Variants in FBN1 observed in about 807,000 individuals in gnomAD.
FBN1 encodes fibrillin 1, also known as fibrillin-1.
FBN1 carries 29 observed loss-of-function variants against 365.1 expected under a neutral mutation model. The observed-to-expected ratio is 0.08, with a 90% CI of 0.06 to 0.11. The LOEUF is 0.11. Ranked by LOEUF, FBN1 falls within the 10% of genes least tolerant of loss-of-function variation. The pLI is 1.00. For missense variants in FBN1, 2,476 were observed against 3,703.2 expected, an observed-to-expected ratio of 0.67 and a Z score of 8.60; for synonymous variants, 1,210 against 1,270.5, an observed-to-expected ratio of 0.95 and a Z score of 1.01.
intron 2 of FBN1, among the ~76,000 whole-genome samples, chr15:48,627,807 C>G (rs1009117627): frequency 5.3e-5 from 8 of 152,164 alleles, no homozygotes; most frequent in African/African-American, 1.9e-4. Flanking sequence ...CCAGCACTGT[C>G]CTCTCAGCAC....
chr15:48,564,478 CT>C (rs756543323), intron 6 of FBN1, among the ~76,000 whole-genome samples: 3 of 149,422 alleles, frequency 2.0e-5, no homozygotes, highest in Non-Finnish European at 2.9e-5. Flanking sequence ...CTCAATGTCT[CT>C]GTCTAAACTG....
chr15:48,492,420 T>C (rs1041066591), intron 24 of FBN1, 41 bp downstream of exon 24: 6 of 1,592,422 alleles, frequency 3.8e-6, no homozygotes, highest in Non-Finnish European at 5.2e-6. Context: ...TAATAATCGT[T>C]AATAAATTAT....
Position 48,470,621 on chromosome 15 carries a change from G to C in FBN1, c.4459+13C>G. ...CACCAGGGAGCTGATTTTGATGCCA[G>C]TGGAGGTCTTACCTGTGCAGTTCCC... On this transcript the variant is annotated intron_variant, in intron 36 of 65. Transcript: ENST00000316623. 2 of 1,613,802 alleles carry C rather than the reference G, an allele frequency of 1.2e-6. No homozygotes were observed. The highest frequency in any genetic ancestry group is 1.7e-6 in the Non-Finnish European group (2 of 1,180,010).
At chr15:48,414,403 T>C (rs1265560934) in intron 64 of FBN1, among the ~76,000 whole-genome samples, 2 of 152,182 alleles carry the variant, frequency 1.3e-5, no homozygotes, top group Non-Finnish European at 2.9e-5. Flanking sequence ...GGGGTGTGTG[T>C]GTACACGCAT....
Position 48,410,019 on chromosome 15 carries a change from C to T in FBN1, c.*971G>A, listed in dbSNP as rs1360438730. Reference sequence around the variant, plus strand: ...TTAAATCCAGGAGACTTTATTTAGCCTCCGGAATGGCCCCTCCAACCCCAA... The same window carrying T: ...TTAAATCCAGGAGACTTTATTTAGCTTCCGGAATGGCCCCTCCAACCCCAA... On this transcript the variant is annotated 3_prime_UTR_variant, in exon 66 of 66. Transcript: ENST00000316623. The T allele has an allele frequency of 6.6e-6, 1 of 152,530 alleles. No individual in the cohort carries two copies. Among genetic ancestry groups the T allele is most frequent in the Non-Finnish European group, 1.5e-5 (1 of 68,020 alleles). 9.4% of individuals were successfully genotyped at this position (152,530 alleles called of 1,614,324 possible).
intron 2 of FBN1, among the ~76,000 whole-genome samples, chr15:48,632,925 G>A (rs1287224633): frequency 6.6e-6 from 1 of 152,188 alleles, no homozygotes; most frequent in South Asian, 2.1e-4. Context: ...CTTGAGGTCA[G>A]TGGCCTCAAC....
In FBN1 at chr15:48,410,931, T is replaced by C. The variant is rs2042855425; in HGVS notation, c.*59A>G. 1 of 1,473,250 alleles carries C rather than the reference T, an allele frequency of 6.8e-7. No homozygotes were observed. The highest frequency in any genetic ancestry group is 1.4e-5 in the African/African-American group (1 of 71,496). The allele number at this position is 1,473,250 out of a possible 1,614,324, so 91.3% of individuals were successfully genotyped here. A position where few individuals can be genotyped will look rare whatever the true frequency, so the allele number is the denominator to read the frequency against. The stretch of plus-strand genomic sequence containing the variant: ...TATGATGATTCTGATTGGGGGAAAA[T>C]ATAGTTCTACCTATCTATATTTGTT... On this transcript the variant is annotated 3_prime_UTR_variant, in exon 66 of 66. Transcript: ENST00000316623.
intron 2 of FBN1, 95 bp downstream of exon 2, chr15:48,644,511 C>T: frequency 1.3e-6 from 2 of 1,580,918 alleles, no homozygotes; most frequent in East Asian, 2.2e-5. Context: ...GGAGGTCTTG[C>T]CAAGGAGTCT....
intron 6 of FBN1, among the ~76,000 whole-genome samples, chr15:48,581,674 A>G (rs770761278): frequency 1.3e-5 from 2 of 152,244 alleles, no homozygotes; most frequent in Non-Finnish European, 2.9e-5. Context: ...CAGAGAACAG[A>G]AATAGCAAAG....
intron 58 of FBN1, among the ~76,000 whole-genome samples, chr15:48,427,336 T>G (rs1173650479): frequency 6.6e-6 from 1 of 152,226 alleles, no homozygotes; most frequent in Non-Finnish European, 1.5e-5. Context: ...GAAGACTCGC[T>G]GGAATGCAGA....
intron 63 of FBN1, among the ~76,000 whole-genome samples, chr15:48,419,319 TAGG>T (rs969774704): frequency 5.7e-4 from 87 of 152,186 alleles, no homozygotes; most frequent in Non-Finnish European, 1.0e-3. Context: ...AGACTGATGG[TAGG>T]AGGAGGAGGA....
At position 48,599,700 on chromosome 15, in the gene FBN1, G is replaced by T. The variant is rs568144083; in HGVS notation, c.442+439C>A. Reference sequence around the variant, plus strand: ...AGAATCTAGATTAGGAAATGAGAGGGATGCAGATACCACCAATCAAGATAA... The same window carrying T: ...AGAATCTAGATTAGGAAATGAGAGGTATGCAGATACCACCAATCAAGATAA... On this transcript the variant is annotated intron_variant, in intron 5 of 65. Transcript: ENST00000316623. Among the ~76,000 whole-genome samples, 5 of 152,242 alleles carry T rather than the reference G, an allele frequency of 3.3e-5. No homozygotes were observed. In the South Asian group the frequency reaches 6.2e-4, roughly 19 times the overall value.
At chr15:48,630,731 C>CAAAAAAAAAAAAAAAAA (rs11393587) in intron 2 of FBN1, among the ~76,000 whole-genome samples, 1 of 111,056 alleles carries the variant, frequency 9.0e-6, no homozygotes, top group Non-Finnish European at 1.8e-5. Context: ...GACTCCATCT[C>CAAAAAAAAAAAAAAAAA]AAAAAAAAAA....
At chr15:48,436,203 A>C (rs1362998981) in intron 53 of FBN1, among the ~76,000 whole-genome samples, 1 of 152,208 alleles carries the variant, frequency 6.6e-6, no homozygotes, top group Non-Finnish European at 1.5e-5. Context: ...TTAGAGCTGC[A>C]AAGGTAATTA....
intron 6 of FBN1, among the ~76,000 whole-genome samples, chr15:48,579,437 G>A (rs2044374593): frequency 6.6e-6 from 1 of 152,054 alleles, no homozygotes; most frequent in South Asian, 2.1e-4. Context: ...TCTACATACA[G>A]TTGAATATAT....
intron 27 of FBN1, among the ~76,000 whole-genome samples, chr15:48,487,875 C>A (rs943657128): frequency 6.6e-6 from 1 of 152,190 alleles, no homozygotes; most frequent in Admixed American, 6.5e-5. Context: ...GCCTGGGTAT[C>A]CATTTCAGGT....
rs1050253265 is a variant in FBN1, at chr15:48,408,706, A to G, written c.*2284T>C. On this transcript the variant is annotated 3_prime_UTR_variant, in exon 66 of 66. Transcript: ENST00000316623. ...TATTTACAATGGAACAATGAGGAAA[A>G]TGTTTTGTTACAGTCAGAAACATGG... 6.5e-6 allele frequency: 1 copy of G among 152,672 alleles called. No individual in the cohort carries two copies. The highest frequency in any genetic ancestry group is 6.5e-5 in the Admixed American group (1 of 15,286). 9.5% of individuals were successfully genotyped at this position (152,672 alleles called of 1,614,324 possible).
chr15:48,412,824 G>A, intron 64 of FBN1, 81 bp from the exon 65 acceptor site: 6 of 1,527,680 alleles, frequency 3.9e-6, no homozygotes, highest in Non-Finnish European at 5.4e-6. Flanking sequence ...GGTGAAGCCT[G>A]TTCCTTGCAG....
rs1386298731 is a variant in FBN1 at position 48,468,049 on chromosome 15, C to A, written c.4636G>T (p.Asp1546Tyr). ...CCAATTTCATTGCTGCAGGCTGTAT[C>A]TCCATTGTCTCCTCGAGGTCGAATA... ...LDIRPRGDNG[D>Y]TACSNEIGVG... Residue 1546 changes from aspartate to tyrosine, a missense_variant, in exon 38 of 66, where the codon GAT (aspartate) becomes TAT (tyrosine). By Grantham distance (160) the Asp-to-Tyr change is radical. Around this residue, in one of 5 missense-constraint regions of FBN1, gnomAD observed 1,780 missense variants for 2,840.8 expected, o/e 0.63. Transcript: ENST00000316623. The A allele has an allele frequency of 6.2e-7, 1 of 1,614,034 alleles. No homozygotes were observed. Among genetic ancestry groups the A allele is most frequent in the Non-Finnish European group, 8.5e-7 (1 of 1,180,034 alleles).
Sources: gnomAD v4.1 joint callset for allele counts (sites outside exome capture counted in the v4.1 genomes callset) on GRCh38, gnomAD v4.1.1 for gene constraint, gnomAD v4.1.1 regional missense constraint, MANE v1.5 for transcripts, NCBI Gene and HGNC (gene_info 2026-07-23, HGNC 2026-07-21) for gene names.